UPP2: variants seen among roughly 807,000 people sequenced by gnomAD.
UPP2 encodes UPase 2.
A neutral mutation model predicts 26.7 loss-of-function variants in UPP2; 23 were observed. That is an observed-to-expected ratio of 0.86 (90% CI 0.62 to 1.22). UPP2 has a LOEUF of 1.22. UPP2 is among the 50% of genes most tolerant of loss of function. The pLI, the probability that UPP2 is intolerant of heterozygous loss-of-function variation, is 0.00. For missense variants in UPP2, 387 were observed against 396.7 expected, an observed-to-expected ratio of 0.98 and a Z score of 0.21; for synonymous variants, 127 against 141.3, an observed-to-expected ratio of 0.90 and a Z score of 0.72.
chr2:158,019,896 T>C (rs1214344958), intron 3 of UPP2, among the ~76,000 whole-genome samples: 1 of 152,180 alleles, frequency 6.6e-6, no homozygotes, highest in South Asian at 2.1e-4. Context: ...TGGGTTAAAA[T>C]TTTATACACC....
rs1160149804 is a variant in UPP2 at position 158,027,703 on chromosome 2, C to T, written c.147+11817C>T. On this transcript the variant is annotated intron_variant, in intron 3 of 9. Coordinates refer to the UPP2 transcript ENST00000605860. ...TCTGACCCCACATTTCCCTTCTGCA[C>T]TGACCTAGCAGTAATTCTCCATGAG... is the stretch of plus-strand genomic sequence containing the variant. Among the ~76,000 whole-genome samples, 5 of 152,334 alleles carry T rather than the reference C, an allele frequency of 3.3e-5. No homozygotes were observed. In the South Asian group the frequency reaches 6.2e-4, roughly 19 times the overall value.
chr2:158,018,013 A>G (rs1165471861), intron 3 of UPP2, among the ~76,000 whole-genome samples: 2 of 152,206 alleles, frequency 1.3e-5, no homozygotes, highest in Non-Finnish European at 2.9e-5. Context: ...GTGAAGCCTC[A>G]TTTGGATGTA....
At chr2:158,016,490 G>A (rs139244229) in intron 3 of UPP2, among the ~76,000 whole-genome samples, 262 of 152,016 alleles carry the variant, frequency 1.7e-3, no homozygotes, top group African/African-American at 6.0e-3. Context: ...ATAGACACCC[G>A]CCACCAAACC....
intron 3 of UPP2, among the ~76,000 whole-genome samples, chr2:158,085,507 T>C (rs1682800161): frequency 6.6e-6 from 1 of 152,192 alleles, no homozygotes; most frequent in Non-Finnish European, 1.5e-5. Flanking sequence ...TTGTCTTGTC[T>C]AATTTCTCTG....
At chr2:158,096,509 G>A (rs1034781694) in intron 3 of UPP2, among the ~76,000 whole-genome samples, 3 of 152,174 alleles carry the variant, frequency 2.0e-5, no homozygotes, top group African/African-American at 7.2e-5. Context: ...TGAGGCAGGA[G>A]AATTGCTTGA....
At chr2:158,133,043 T>G (rs554775855) in intron 6 of UPP2, among the ~76,000 whole-genome samples, 1 of 152,304 alleles carries the variant, frequency 6.6e-6, no homozygotes, top group East Asian at 1.9e-4. Flanking sequence ...CTGGTATCAG[T>G]GTGCTGTAAA....
chr2:158,088,755 G>A (rs1165427111), intron 3 of UPP2, among the ~76,000 whole-genome samples: 3 of 152,154 alleles, frequency 2.0e-5, no homozygotes, highest in Non-Finnish European at 4.4e-5. Context: ...TTTCTCTTCG[G>A]GATCTAGCCA....
At chr2:158,109,953 G>C (rs1186689797) in intron 2 of UPP2, among the ~76,000 whole-genome samples, 3 of 152,118 alleles carry the variant, frequency 2.0e-5, no homozygotes, top group Admixed American at 2.0e-4. Flanking sequence ...ACAGAATGTG[G>C]GTAGAGTGCT....
At chr2:158,122,025 T>C (rs1315045838) in intron 5 of UPP2, among the ~76,000 whole-genome samples, 1 of 151,900 alleles carries the variant, frequency 6.6e-6, no homozygotes, top group East Asian at 1.9e-4. Context: ...GAGAAATGCT[T>C]GGGGAGGGGG....
intron 3 of UPP2, among the ~76,000 whole-genome samples, chr2:158,055,253 G>A (rs901331609): frequency 4.6e-5 from 7 of 152,050 alleles, no homozygotes; most frequent in African/African-American, 9.7e-5. Flanking sequence ...GTGCTGGTTC[G>A]GGTCTCTTTT....
At chr2:158,063,278 G>A (rs980846679) in intron 3 of UPP2, among the ~76,000 whole-genome samples, 16 of 152,078 alleles carry the variant, frequency 1.1e-4, no homozygotes, top group Admixed American at 5.9e-4. Flanking sequence ...TTTTCTGTCT[G>A]CCTCTTTAGA....
intron 1 of UPP2, 64 bp from the exon 2 acceptor site, chr2:158,106,035 T>G: frequency 1.6e-6 from 2 of 1,264,178 alleles, no homozygotes; most frequent in South Asian, 2.8e-5. Context: ...TGTTCAGACT[T>G]TCTTTCTTGT....
At chr2:158,127,389 T>C (rs191288279) in intron 6 of UPP2, among the ~76,000 whole-genome samples, 26 of 152,314 alleles carry the variant, frequency 1.7e-4, no homozygotes, top group Non-Finnish European at 3.7e-4. Context: ...TTGTTTGTCA[T>C]TGCTGTATCC....
At chr2:158,101,125 T>C (rs184277540), upstream of UPP2, among the ~76,000 whole-genome samples, 40 of 152,360 alleles carry the variant, frequency 2.6e-4, 1 homozygote, top group East Asian at 2.7e-3. Flanking sequence ...GACTACGTTC[T>C]TGAAGCTCTC....
At chr2:157,998,767 C>T (rs1232470695) in intron 2 of UPP2, among the ~76,000 whole-genome samples, 1 of 152,132 alleles carries the variant, frequency 6.6e-6, no homozygotes, top group Non-Finnish European at 1.5e-5. Context: ...TGCACCGCTG[C>T]ACTGCCTGGG....
At chr2:158,059,836 T>A (rs541646789) in intron 3 of UPP2, among the ~76,000 whole-genome samples, 43 of 152,276 alleles carry the variant, frequency 2.8e-4, no homozygotes, top group African/African-American at 7.7e-4. Flanking sequence ...TTCAATGTTC[T>A]ATCTGGACCT....
chr2:158,037,156 C>T (rs779400544), intron 3 of UPP2, among the ~76,000 whole-genome samples: 13 of 152,150 alleles, frequency 8.5e-5, no homozygotes, highest in South Asian at 2.1e-4. Flanking sequence ...GGGTGAATAA[C>T]GAGGTCAGGA....
At chr2:158,091,246 T>C (rs1444070528) in intron 3 of UPP2, among the ~76,000 whole-genome samples, 6 of 152,122 alleles carry the variant, frequency 3.9e-5, no homozygotes, top group Non-Finnish European at 5.9e-5. Flanking sequence ...TGGATTCCCA[T>C]GGTAAAATAG....
intron 2 of UPP2, among the ~76,000 whole-genome samples, chr2:158,106,689 T>G (rs1052546752): frequency 1.3e-5 from 2 of 152,190 alleles, no homozygotes; most frequent in African/African-American, 4.8e-5. Context: ...ATAAGAAATA[T>G]TTCATACAAA....
Sources: allele counts gnomAD v4.1 joint callset (sites outside exome capture counted in the v4.1 genomes callset), GRCh38; gene constraint gnomAD v4.1.1; transcripts MANE v1.5; gene names NCBI Gene and HGNC (gene_info 2026-07-23, HGNC 2026-07-21).